CLMN: variants seen among roughly 807,000 people sequenced by gnomAD.
The protein encoded by CLMN is calmin, also known as calmin (calponin-like, transmembrane).
A neutral mutation model predicts 92.7 loss-of-function variants in CLMN; 57 were observed. That is an observed-to-expected ratio of 0.61 (90% CI 0.50 to 0.77). The LOEUF (loss-of-function observed/expected upper bound fraction) is 0.77. Among genes scored for constraint, CLMN ranks in the 30% least tolerant of loss-of-function variants. The pLI is 0.00. For missense variants in CLMN, 1,158 were observed against 1,237.5 expected, an observed-to-expected ratio of 0.94 and a Z score of 0.96; for synonymous variants, 466 against 470.6, an observed-to-expected ratio of 0.99 and a Z score of 0.13.
chr14:95,317,382 C>T (rs541093218), intron 1 of CLMN, among the ~76,000 whole-genome samples: 98 of 152,306 alleles, frequency 6.4e-4, no homozygotes, highest in Non-Finnish European at 1.0e-3. Flanking sequence ...CAAAGCACAA[C>T]GCCCGACACG....
chr14:95,209,037 G>T (rs1897122387), intron 8 of CLMN, among the ~76,000 whole-genome samples: 2 of 152,136 alleles, frequency 1.3e-5, no homozygotes, highest in African/African-American at 2.4e-5. Flanking sequence ...TCGGCCCATG[G>T]TTATAATTGT....
At chr14:95,214,344 C>CT (rs140176893) in intron 5 of CLMN, among the ~76,000 whole-genome samples, 2,223 of 109,242 alleles carry the variant, frequency 0.02, 58 homozygotes, top group South Asian at 0.053. Context: ...GCTGCTGCTG[C>CT]TTTTTTTTTT....
chr14:95,211,976 C>T (rs1417957966), intron 6 of CLMN, among the ~76,000 whole-genome samples: 2 of 152,326 alleles, frequency 1.3e-5, no homozygotes, highest in African/African-American at 2.4e-5. Flanking sequence ...CTCTCCCATA[C>T]ATCACACCCC....
At chr14:95,295,843 C>T (rs1182798033) in intron 1 of CLMN, among the ~76,000 whole-genome samples, 2 of 152,190 alleles carry the variant, frequency 1.3e-5, no homozygotes, top group Non-Finnish European at 2.9e-5. Context: ...GTTTGCATGG[C>T]GTCATCTACT....
chr14:95,298,765 T>G (rs1006114523), intron 1 of CLMN, among the ~76,000 whole-genome samples: 6 of 152,088 alleles, frequency 3.9e-5, no homozygotes, highest in Non-Finnish European at 5.9e-5. Flanking sequence ...TGCACATAAA[T>G]AAGCATATTT....
intron 9 of CLMN, among the ~76,000 whole-genome samples, chr14:95,201,945 T>C (rs1055864628): frequency 6.6e-6 from 1 of 152,260 alleles, no homozygotes; most frequent in Non-Finnish European, 1.5e-5. Flanking sequence ...TTCCATGGTA[T>C]ATATGTACCA....
intron 12 of CLMN, chr14:95,193,170 G>T (rs1045673578): frequency 8.8e-6 from 5 of 570,748 alleles, no homozygotes; most frequent in South Asian, 2.4e-5. Context: ...ACATAATAAA[G>T]CAACTCTATG....
Position 95,245,197 on chromosome 14 carries a change from ATATATATATAT to A in CLMN, c.83-15075_83-15065del, listed in dbSNP as rs1423065524. Among the ~76,000 whole-genome samples, 156 of 33,304 alleles carry A rather than the reference ATATATATATAT, an allele frequency of 4.7e-3. 12 individuals carry two copies. The highest frequency in any genetic ancestry group is 0.011 in the African/African-American group (82 of 7,408). 21.8% of individuals were successfully genotyped at this position (33,304 alleles called of 152,430 possible). On this transcript the variant is annotated intron_variant, in intron 1 of 12. Coordinates refer to ENST00000298912, the MANE Select transcript of CLMN (RefSeq NM_024734.4). ...TATTATATATATATATATATATAAT[ATATATATATAT>A]TATATATATATATATATTATATATA...
At chr14:95,209,541 G>A (rs778406124) in intron 7 of CLMN, 64 bp from the exon 8 acceptor site, 180 of 1,275,790 alleles carry the variant, frequency 1.4e-4, no homozygotes, top group Admixed American at 3.7e-4. Flanking sequence ...TAGTATTCCC[G>A]GATGCCTGAT....
intron 1 of CLMN, among the ~76,000 whole-genome samples, chr14:95,283,285 C>A (rs138144692): frequency 3.9e-5 from 6 of 152,198 alleles, no homozygotes; most frequent in Admixed American, 1.3e-4. Flanking sequence ...TTTCACCTTC[C>A]GCCACGATGC....
intron 1 of CLMN, among the ~76,000 whole-genome samples, chr14:95,258,375 A>C (rs1056124201): frequency 3.6e-5 from 5 of 137,996 alleles, no homozygotes; most frequent in Admixed American, 7.3e-5. Context: ...GGGGGTGTGT[A>C]TATGTGTATG....
At chr14:95,286,817 G>C (rs1054393702) in intron 1 of CLMN, among the ~76,000 whole-genome samples, 4 of 152,182 alleles carry the variant, frequency 2.6e-5, no homozygotes, top group African/African-American at 9.7e-5. Context: ...TCTCACGGTA[G>C]ATCAGTCAGG....
chr14:95,208,506 A>T (rs969672709), intron 8 of CLMN, among the ~76,000 whole-genome samples: 5 of 152,246 alleles, frequency 3.3e-5, no homozygotes, highest in African/African-American at 1.2e-4. Flanking sequence ...TGTAACATTG[A>T]TAAAAATCTG....
At chr14:95,193,743 T>G in intron 12 of CLMN, 106 bp downstream of exon 12, 1 of 1,326,870 alleles carries the variant, frequency 7.5e-7, no homozygotes, top group Non-Finnish European at 1.0e-6. Context: ...TTATTAATAC[T>G]GTTATCAACA....
chr14:95,262,245 C>A (rs184531429), intron 1 of CLMN, among the ~76,000 whole-genome samples: 1 of 152,218 alleles, frequency 6.6e-6, no homozygotes, highest in African/African-American at 2.4e-5. Flanking sequence ...CCTGTACCTG[C>A]GCTGGGGTTC....
At chr14:95,304,158 T>G (rs1396797017) in intron 1 of CLMN, among the ~76,000 whole-genome samples, 1 of 152,034 alleles carries the variant, frequency 6.6e-6, no homozygotes, top group African/African-American at 2.4e-5. Flanking sequence ...GGCAACATAG[T>G]GAGACTTTGT....
chr14:95,268,375 TAAAAA>T (rs35568472), intron 1 of CLMN, among the ~76,000 whole-genome samples: 1 of 124,036 alleles, frequency 8.1e-6, no homozygotes. Flanking sequence ...TTATGCTATG[TAAAAA>T]AAAAAAAAAA....
intron 12 of CLMN, 31 bp downstream of exon 12, chr14:95,193,818 C>A (rs941397232): frequency 6.2e-7 from 1 of 1,611,002 alleles, no homozygotes; most frequent in South Asian, 1.1e-5. Context: ...TTTATTACTA[C>A]CCCCACAAAA....
intron 9 of CLMN, among the ~76,000 whole-genome samples, chr14:95,202,443 C>T (rs1033586901): frequency 6.6e-6 from 1 of 152,188 alleles, no homozygotes; most frequent in South Asian, 2.1e-4. Flanking sequence ...TTTCCTGATC[C>T]CACTGCCCAG....
Sources: gnomAD v4.1 joint callset for allele counts (sites outside exome capture counted in the v4.1 genomes callset) on GRCh38, gnomAD v4.1.1 for gene constraint, MANE v1.5 for transcripts, NCBI Gene and HGNC (gene_info 2026-07-23, HGNC 2026-07-21) for gene names.